The following NKAIN2 variants were observed in gnomAD, a reference collection of about 807,000 sequenced individuals.
NKAIN2 encodes the protein sodium/potassium transporting ATPase interacting 2.
Under a neutral mutation model 32.6 loss-of-function variants are expected in NKAIN2, and 14 were observed. The observed-to-expected ratio is 0.43, with a 90% CI of 0.28 to 0.67. The LOEUF (loss-of-function observed/expected upper bound fraction) is 0.67. Among genes scored for constraint, NKAIN2 ranks in the 30% least tolerant of loss-of-function variants. NKAIN2 has a pLI of 0.17. For synonymous variants in NKAIN2, 80 were observed against 87.2 expected (o/e 0.92, Z 0.46); for missense variants, 198 against 258.3 (o/e 0.77, Z 1.60).
At chr6:124,188,996 A>G (rs1478324744) in intron 1 of NKAIN2, among the ~76,000 whole-genome samples, 1 of 152,198 alleles carries the variant, frequency 6.6e-6, no homozygotes, top group African/African-American at 2.4e-5. Context: ...ATTTATAATA[A>G]TTTGGAGAAA....
intron 1 of NKAIN2, among the ~76,000 whole-genome samples, chr6:124,011,273 AT>A (rs146395388): frequency 6.6e-5 from 10 of 151,872 alleles, no homozygotes; most frequent in South Asian, 2.1e-4. Context: ...TATCCTTGAT[AT>A]TTTTTACATG....
chr6:124,792,502 G>C (rs986288874), intron 5 of NKAIN2, among the ~76,000 whole-genome samples: 3 of 152,134 alleles, frequency 2.0e-5, no homozygotes, highest in African/African-American at 7.2e-5. Flanking sequence ...TTCAAGTGCT[G>C]TGTCAGCCTT....
chr6:124,772,535 C>T (rs1055211193), intron 4 of NKAIN2, among the ~76,000 whole-genome samples: 1 of 152,188 alleles, frequency 6.6e-6, no homozygotes, highest in African/African-American at 2.4e-5. Context: ...TTCCCATGTG[C>T]AGGCATGATT....
chr6:124,453,147 C>T (rs951338049), intron 3 of NKAIN2, among the ~76,000 whole-genome samples: 1 of 151,988 alleles, frequency 6.6e-6, no homozygotes, highest in Non-Finnish European at 1.5e-5. Context: ...TCTGACTTCA[C>T]TTTAAAGTAC....
intron 1 of NKAIN2, among the ~76,000 whole-genome samples, chr6:123,848,882 C>T (rs1295779095): frequency 1.3e-5 from 2 of 152,150 alleles, no homozygotes; most frequent in Non-Finnish European, 2.9e-5. Context: ...TTAAAGAGTT[C>T]CCACTACTAC....
intron 3 of NKAIN2, among the ~76,000 whole-genome samples, chr6:124,582,275 G>C (rs1374924702): frequency 6.6e-6 from 1 of 152,054 alleles, no homozygotes; most frequent in Non-Finnish European, 1.5e-5. Context: ...ATGATCCTTT[G>C]AATTTTTGTG....
At chr6:123,806,101 A>G (rs1773203547) in intron 1 of NKAIN2, among the ~76,000 whole-genome samples, 1 of 152,150 alleles carries the variant, frequency 6.6e-6, no homozygotes, top group Non-Finnish European at 1.5e-5. Context: ...GTGTGTATGT[A>G]CATATGCTCT....
At chr6:124,702,452 A>G (rs1457533220) in intron 4 of NKAIN2, among the ~76,000 whole-genome samples, 1 of 152,130 alleles carries the variant, frequency 6.6e-6, no homozygotes, top group Non-Finnish European at 1.5e-5. Context: ...GCTGAGATGA[A>G]CAGCCAGCAA....
At chr6:124,690,182 C>T (rs1774189820) in intron 4 of NKAIN2, among the ~76,000 whole-genome samples, 1 of 151,856 alleles carries the variant, frequency 6.6e-6, no homozygotes, top group African/African-American at 2.4e-5. Context: ...TGGATTTATT[C>T]CTATGTATTT....
chr6:124,302,413 A>G (rs1796326394), intron 2 of NKAIN2, among the ~76,000 whole-genome samples: 1 of 152,206 alleles, frequency 6.6e-6, no homozygotes, highest in Non-Finnish European at 1.5e-5. Context: ...CAGACTATCC[A>G]TTTTAAGTAT....
chr6:123,917,597 T>C (rs1775559735), intron 1 of NKAIN2, among the ~76,000 whole-genome samples: 1 of 152,186 alleles, frequency 6.6e-6, no homozygotes, highest in African/African-American at 2.4e-5. Flanking sequence ...ACATTGCCCT[T>C]CTGTGATATT....
In NKAIN2 at chr6:123,944,804, T is replaced by G. The variant is rs1443695405; in HGVS notation, c.54+140550T>G. Among the ~76,000 whole-genome samples, 4 of 152,066 alleles carry G rather than the reference T, an allele frequency of 2.6e-5. No individual in the cohort carries two copies. The East Asian group carries it at 5.8e-4, about 22-fold the overall frequency. ...CTTCCAAGCATTATTTCCCATTCTT[T>G]TGAAAACTCTTTCACTGAACTTCTT... On this transcript the variant is annotated intron_variant, in intron 1 of 6. Coordinates refer to ENST00000368417, the MANE Select transcript of NKAIN2 (RefSeq NM_001040214.3).
chr6:123,921,700 T>G (rs762234776), intron 1 of NKAIN2, among the ~76,000 whole-genome samples: 25 of 152,214 alleles, frequency 1.6e-4, no homozygotes, highest in Non-Finnish European at 3.1e-4. Context: ...TCTTATTTCA[T>G]TAATTATGAT....
intron 3 of NKAIN2, among the ~76,000 whole-genome samples, chr6:124,572,919 G>A (rs2600455): frequency 0.84 from 127,195 of 152,004 alleles, 53,386 homozygotes; most frequent in Admixed American, 0.88. Context: ...TGCTCACTGC[G>A]TCCTCCGCCT....
chr6:124,612,805 C>A (rs1782741451), intron 3 of NKAIN2, among the ~76,000 whole-genome samples: 1 of 152,120 alleles, frequency 6.6e-6, no homozygotes, highest in African/African-American at 2.4e-5. Context: ...AGTTTCAAAT[C>A]ATTTCCAACT....
chr6:124,498,837 C>T (rs1299916088), intron 3 of NKAIN2, among the ~76,000 whole-genome samples: 2 of 152,096 alleles, frequency 1.3e-5, no homozygotes, highest in East Asian at 3.9e-4. Context: ...TTTCGTTGTC[C>T]ACTAAAGTTC....
intron 4 of NKAIN2, among the ~76,000 whole-genome samples, chr6:124,710,938 C>T (rs1316359242): frequency 2.0e-5 from 3 of 150,986 alleles, no homozygotes; most frequent in East Asian, 3.9e-4. Flanking sequence ...ATGGTCTTTA[C>T]GTTTTGGCAT....
chr6:124,220,458 T>C (rs371011290), intron 1 of NKAIN2, among the ~76,000 whole-genome samples: 14 of 76,152 alleles, frequency 1.8e-4, no homozygotes, highest in African/African-American at 5.5e-4. Flanking sequence ...TCCTTTTTTT[T>C]CCCTTTTTTT....
At chr6:124,028,918 T>C (rs1781278498) in intron 1 of NKAIN2, among the ~76,000 whole-genome samples, 1 of 19,432 alleles carries the variant, frequency 5.1e-5, no homozygotes, top group Non-Finnish European at 8.3e-5. Context: ...TATATGTATA[T>C]ATATGTGTAT....
Sources: gnomAD v4.1 joint callset for allele counts (sites outside exome capture counted in the v4.1 genomes callset) on GRCh38, gnomAD v4.1.1 for gene constraint, MANE v1.5 for transcripts, NCBI Gene and HGNC (gene_info 2026-07-23, HGNC 2026-07-21) for gene names.